Variants in RET observed in about 807,000 individuals in gnomAD.
RET encodes the protein ret proto-oncogene, also known as proto-oncogene tyrosine-protein kinase receptor Ret.
In RET, 19 loss-of-function variants were observed where a neutral mutation model predicts 118.3. That is an observed-to-expected ratio of 0.16 (90% CI 0.11 to 0.24). The LOEUF (loss-of-function observed/expected upper bound fraction) is 0.24, where lower values mean the gene tolerates loss of function less well. Ranked by LOEUF, RET falls within the 10% of genes least tolerant of loss-of-function variation. RET has a pLI of 1.00. For synonymous variants in RET, 597 were observed against 644.1 expected (o/e 0.93, Z 1.11); for missense variants, 1,219 against 1,502.1 (o/e 0.81, Z 3.12).
chr10:43,111,144 A>AC, intron 6 of RET, 63 bp from the exon 7 acceptor site: 6 of 1,604,798 alleles, frequency 3.7e-6, no homozygotes, highest in South Asian at 1.1e-5. Context: ...GGGAATCTCT[A>AC]CCCTCAGGCC....
intron 1 of RET, among the ~76,000 whole-genome samples, chr10:43,079,031 C>G (rs1454590585): frequency 6.6e-6 from 1 of 152,210 alleles, no homozygotes; most frequent in Admixed American, 6.5e-5. Context: ...TGCCAAGGAC[C>G]GCCCCAGTGA....
intron 1 of RET, among the ~76,000 whole-genome samples, chr10:43,078,242 C>T (rs1269139236): frequency 6.6e-6 from 1 of 152,214 alleles, no homozygotes; most frequent in Non-Finnish European, 1.5e-5. Flanking sequence ...CTGACTTGAT[C>T]CCCTCCAAGC....
Position 43,122,005 on chromosome 10 carries a change from G to A in RET, c.2790G>A (p.Thr930=), listed in dbSNP as rs746599792. 21 of 1,612,654 alleles carry A rather than the reference G, an allele frequency of 1.3e-5. No homozygotes were observed. Among genetic ancestry groups the A allele is most frequent in the Admixed American group, 1.0e-4 (6 of 59,998 alleles). The stretch of plus-strand genomic sequence containing the variant: ...CCCTTTTTGATCATATCTACACCAC[G>A]CAAAGTGATGTGTAAGTGTGGGTGT... ...IESLFDHIYT[T]QSDVWSFGVL... Residue 930 remains threonine (T), a synonymous_variant, in exon 16 of 20, where the codon ACG becomes ACA. Transcript: ENST00000355710.
intron 1 of RET, among the ~76,000 whole-genome samples, chr10:43,093,864 A>C (rs1309500529): frequency 6.6e-6 from 1 of 152,024 alleles, no homozygotes; most frequent in Non-Finnish European, 1.5e-5. Context: ...ACGTCAAAAA[A>C]TGAGGCAAGA....
At chr10:43,094,802 A>G (rs578016258) in intron 1 of RET, among the ~76,000 whole-genome samples, 5 of 152,338 alleles carry the variant, frequency 3.3e-5, no homozygotes, top group African/African-American at 7.2e-5. Context: ...TTAGAGCCCT[A>G]TTGGCAGTGT....
Position 43,119,624 on chromosome 10 carries a change from G to A in RET, c.2486G>A (p.Ser829Asn), listed in dbSNP as rs943720843. Residue 829 changes from serine to asparagine, a missense_variant, in exon 14 of 20, where the codon AGT becomes AAT. Physicochemically the swap from Ser to Asn is conservative, Grantham distance 46. Around this residue, in one of 5 missense-constraint regions of RET, gnomAD observed 850 missense variants for 969.6 expected, o/e 0.88. Transcript: ENST00000355710. ...SRKVGPGYLGSGGSRNSSSLD... is the reference protein window; with the variant it reads ...SRKVGPGYLGNGGSRNSSSLD... Reference sequence around the variant, plus strand: ...AAAGTGGGGCCTGGCTACCTGGGCAGTGGAGGCAGCCGCAACTCCAGCTCC... The same window carrying A: ...AAAGTGGGGCCTGGCTACCTGGGCAATGGAGGCAGCCGCAACTCCAGCTCC... 1.9e-6 allele frequency: 3 copies of A among 1,612,934 alleles called. No individual in the cohort carries two copies. Among genetic ancestry groups the A allele is most frequent in the Admixed American group, 1.7e-5 (1 of 60,026 alleles).
At chr10:43,117,539 G>C (rs1426298870) in intron 12 of RET, among the ~76,000 whole-genome samples, 1 of 152,242 alleles carries the variant, frequency 6.6e-6, no homozygotes, top group East Asian at 1.9e-4. Flanking sequence ...AGGTGGCACG[G>C]CACAGCTGGG....
At position 43,114,582 on chromosome 10, in the gene RET, A is replaced by C. The variant is rs1838023752; in HGVS notation, c.1982A>C (p.His661Pro). ...TCTGCCTTCTGCATCCACTGCTACC[A>C]CAAGTTTGCCCACAAGCCACCCATC... ...LLSAFCIHCY[H>P]KFAHKPPISS... Residue 661 changes from histidine (H) to proline (P), a missense_variant, in exon 11 of 20, where the codon CAC becomes CCC. Coordinates refer to ENST00000355710, the MANE Select transcript of RET (RefSeq NM_020975.6). This position sits in a 1 kb window ranked among gnomAD's most constrained non-coding sequence, Gnocchi z 4.6. 1 of 1,611,942 alleles carries C rather than the reference A, an allele frequency of 6.2e-7. No homozygotes were observed. Among genetic ancestry groups the C allele is most frequent in the Non-Finnish European group, 8.5e-7 (1 of 1,179,752 alleles).
chr10:43,098,388 A>T (rs1207555624), intron 1 of RET, among the ~76,000 whole-genome samples: 16 of 147,898 alleles, frequency 1.1e-4, no homozygotes, highest in Admixed American at 9.4e-4. Context: ...CTCAAGGGTT[A>T]TCAGTGTTAT....
rs1387494484 is a variant in RET, at chr10:43,111,220, G to A, written c.1277G>A (p.Cys426Tyr). 3 of 1,613,896 alleles carry A rather than the reference G, an allele frequency of 1.9e-6. No homozygotes were observed. The Admixed American group carries it at 5.0e-5, about 27-fold the overall frequency. Residue 426 changes from cysteine to tyrosine, a missense_variant, in exon 7 of 20, where the codon TGT (cysteine) becomes TAT (tyrosine). Around this residue, in one of 5 missense-constraint regions of RET, gnomAD observed 850 missense variants for 969.6 expected, o/e 0.88. Coordinates refer to ENST00000355710, the MANE Select transcript of RET (RefSeq NM_020975.6). Reference sequence around the variant, plus strand: ...GTGCCCCCCTAGATCGGGAAAGTCTGTGTGGAAAACTGCCAGGCATTCAGT... The same window carrying A: ...GTGCCCCCCTAGATCGGGAAAGTCTATGTGGAAAACTGCCAGGCATTCAGT... ...ARRFAQIGKVCVENCQAFSGI... is the reference protein window; with the variant it reads ...ARRFAQIGKVYVENCQAFSGI...
At chr10:43,079,606 C>T (rs1837133644) in intron 1 of RET, among the ~76,000 whole-genome samples, 2 of 152,230 alleles carry the variant, frequency 1.3e-5, no homozygotes, top group African/African-American at 4.8e-5. Flanking sequence ...AGCTCCTCAG[C>T]AAGCCTCTTG....
chr10:43,100,822 C>T, intron 2 of RET, 100 bp downstream of exon 2: 3 of 1,317,002 alleles, frequency 2.3e-6, no homozygotes, highest in East Asian at 5.0e-5. Flanking sequence ...CATGGCTTCC[C>T]CCCCACCGCT....
In RET at chr10:43,111,377, T is replaced by C. The variant is rs2132772516; in HGVS notation, c.1434T>C (p.Cys478=). Residue 478 remains cysteine, a synonymous_variant, in exon 7 of 20, where the codon TGT becomes TGC. Coordinates refer to ENST00000355710, the MANE Select transcript of RET (RefSeq NM_020975.6). ...NDTKALRRPK[C]AELHYMVVAT... Reference sequence around the variant, plus strand: ...CCAAGGCCCTGCGGCGGCCCAAGTGTGCCGAACTTCACTACATGGTGGTGG... The same window carrying C: ...CCAAGGCCCTGCGGCGGCCCAAGTGCGCCGAACTTCACTACATGGTGGTGG... The C allele has an allele frequency of 6.2e-7, 1 of 1,613,960 alleles. No individual in the cohort carries two copies. The highest frequency in any genetic ancestry group is 8.5e-7 in the Non-Finnish European group (1 of 1,180,014).
chr10:43,107,271 G>T (rs116755232), intron 5 of RET, among the ~76,000 whole-genome samples: 1 of 152,092 alleles, frequency 6.6e-6, no homozygotes, highest in South Asian at 2.1e-4. Flanking sequence ...CAAGCCTATG[G>T]AGGCCCCACT....
chr10:43,124,368 G>A (rs563806348), intron 17 of RET, among the ~76,000 whole-genome samples: 115 of 152,234 alleles, frequency 7.6e-4, no homozygotes, highest in East Asian at 3.3e-3. Context: ...CCACCTCCCT[G>A]GGCCCCCAGC....
chr10:43,122,056 A>G, intron 16 of RET, 40 bp downstream of exon 16: 1 of 1,509,616 alleles, frequency 6.6e-7, no homozygotes, highest in Non-Finnish European at 9.2e-7. Flanking sequence ...GAGGTTACAG[A>G]AACACCCTTA....
At chr10:43,092,539 T>C (rs1380849079) in intron 1 of RET, among the ~76,000 whole-genome samples, 1 of 152,244 alleles carries the variant, frequency 6.6e-6, no homozygotes, top group African/African-American at 2.4e-5. Context: ...AAATTTGTTA[T>C]TTACAGTAGA....
rs531484238 is a variant in RET at position 43,105,304 on chromosome 10, C to T, written c.867+111C>T. 5.6e-5 allele frequency: 85 copies of T among 1,515,440 alleles called. 1 individual carries two copies. In the South Asian group the frequency reaches 9.2e-4, roughly 16 times the overall value. The allele number at this position is 1,515,440 out of a possible 1,614,324, so 93.9% of individuals were successfully genotyped here. A position where few individuals can be genotyped will look rare whatever the true frequency, so the allele number is the denominator to read the frequency against. On this transcript the variant is annotated intron_variant, in intron 4 of 19. Coordinates refer to ENST00000355710, the MANE Select transcript of RET (RefSeq NM_020975.6). Reference sequence around the variant, plus strand: ...ACCCAACCGTGTGGCCGACCATTCGCGCTTTCATTTGTCCTTCGCCTCCGT... The same window carrying T: ...ACCCAACCGTGTGGCCGACCATTCGTGCTTTCATTTGTCCTTCGCCTCCGT...
intron 19 of RET, chr10:43,126,962 ATGGT>A: frequency 7.1e-7 from 1 of 1,411,618 alleles, no homozygotes; most frequent in Non-Finnish European, 9.2e-7. Context: ...GCAACTTAGG[ATGGT>A]AGAGGAAAAA....
Sources: gnomAD v4.1 joint callset for allele counts (sites outside exome capture counted in the v4.1 genomes callset) on GRCh38, gnomAD v4.1.1 for gene constraint, gnomAD v4.1.1 regional missense constraint, Gnocchi (gnomAD v3.1) non-coding constraint, MANE v1.5 for transcripts, NCBI Gene and HGNC (gene_info 2026-07-23, HGNC 2026-07-21) for gene names.